Variants in MSI2 observed in about 807,000 individuals in gnomAD.
MSI2 encodes the protein RNA-binding protein Musashi homolog 2.
In MSI2, 17 loss-of-function variants were observed where a neutral mutation model predicts 45.6. The ratio of observed to expected loss-of-function variants is 0.37; its 90% CI spans 0.26 to 0.56. The LOEUF is 0.56. Ranked by LOEUF, MSI2 falls within the 20% of genes least tolerant of loss-of-function variation. MSI2 has a pLI of 0.77. For synonymous variants in MSI2, 156 were observed against 158.2 expected, an observed-to-expected ratio of 0.99 and a Z score of 0.11; for missense variants, 293 against 444.2, an observed-to-expected ratio of 0.66 and a Z score of 3.06.
At chr17:57,660,531 T>C (rs1038219040) in intron 11 of MSI2, among the ~76,000 whole-genome samples, 5 of 152,268 alleles carry the variant, frequency 3.3e-5, no homozygotes, top group Non-Finnish European at 4.4e-5. Flanking sequence ...CTCCACGCCA[T>C]TGAAGATCTC....
chr17:57,653,470 T>C (rs1911334570), intron 11 of MSI2, among the ~76,000 whole-genome samples: 1 of 152,090 alleles, frequency 6.6e-6, no homozygotes, highest in Non-Finnish European at 1.5e-5. Flanking sequence ...CTCTGGCCAG[T>C]GTCCCTCAGT....
At chr17:57,573,337 A>G (rs1344231575) in intron 7 of MSI2, among the ~76,000 whole-genome samples, 1 of 152,000 alleles carries the variant, frequency 6.6e-6, no homozygotes, top group Non-Finnish European at 1.5e-5. Context: ...GCTCTGTGCC[A>G]AGTGCCCTCC....
intron 7 of MSI2, among the ~76,000 whole-genome samples, chr17:57,574,925 G>A (rs1004268619): frequency 2.6e-5 from 4 of 151,034 alleles, no homozygotes; most frequent in African/African-American, 7.3e-5. Flanking sequence ...CCGCCTCCCG[G>A]GTTCACGCCA....
chr17:57,364,735 G>A (rs1302301984), intron 5 of MSI2, among the ~76,000 whole-genome samples: 1 of 152,070 alleles, frequency 6.6e-6, no homozygotes, highest in Non-Finnish European at 1.5e-5. Flanking sequence ...TGTTTAGTGG[G>A]AAAGACCTCC....
At chr17:57,693,637 TAA>T in the MSI2 span, among the ~76,000 whole-genome samples, 6 of 152,212 alleles carry the variant, frequency 3.9e-5, no homozygotes, top group African/African-American at 7.2e-5. Context: ...CTCTAGCCTT[TAA>T]TATATAGTAA....
chr17:57,333,440 C>CTTTTTT (rs1567762862), intron 5 of MSI2, among the ~76,000 whole-genome samples: 2 of 147,452 alleles, frequency 1.4e-5, no homozygotes, highest in African/African-American at 2.5e-5. Context: ...TGATTTGTAC[C>CTTTTTT]GTTTTTTTTT....
chr17:57,501,975 C>T (rs2086116317), intron 6 of MSI2, among the ~76,000 whole-genome samples: 1 of 152,152 alleles, frequency 6.6e-6, no homozygotes, highest in South Asian at 2.1e-4. Flanking sequence ...GAGCTCACCT[C>T]CAGGTTGCAT....
At chr17:57,583,811 G>T (rs762613081) in intron 7 of MSI2, among the ~76,000 whole-genome samples, 10 of 152,142 alleles carry the variant, frequency 6.6e-5, no homozygotes, top group Non-Finnish European at 1.2e-4. Context: ...TCACTTGGGA[G>T]ATTTTAAAAC....
chr17:57,625,202 T>G (rs1285412045), intron 9 of MSI2, among the ~76,000 whole-genome samples: 2 of 152,050 alleles, frequency 1.3e-5, no homozygotes, highest in Non-Finnish European at 2.9e-5. Flanking sequence ...AACACATACA[T>G]CAAATCATAA....
At chr17:57,376,531 C>A (rs1567788529) in intron 5 of MSI2, among the ~76,000 whole-genome samples, 1 of 152,182 alleles carries the variant, frequency 6.6e-6, no homozygotes, top group African/African-American at 2.4e-5. Context: ...TCTCATGACC[C>A]CGTGTTCTGG....
At chr17:57,634,330 G>C (rs938811404) in intron 10 of MSI2, among the ~76,000 whole-genome samples, 2 of 151,888 alleles carry the variant, frequency 1.3e-5, no homozygotes, top group South Asian at 4.2e-4. Flanking sequence ...GCCCGGAGTG[G>C]TGGCGGGTGC....
intron 5 of MSI2, among the ~76,000 whole-genome samples, chr17:57,390,238 G>A (rs2083763937): frequency 1.3e-5 from 2 of 152,238 alleles, no homozygotes; most frequent in Non-Finnish European, 2.9e-5. Context: ...CTGGGTGACA[G>A]AGCAAGACCC....
At chr17:57,678,210 G>A (rs890886023) in intron 13 of MSI2, among the ~76,000 whole-genome samples, 1 of 152,182 alleles carries the variant, frequency 6.6e-6, no homozygotes, top group African/African-American at 2.4e-5. Context: ...AAATCTCTTG[G>A]ATTTCTCTAA....
chr17:57,535,839 G>A (rs12602441), intron 7 of MSI2, among the ~76,000 whole-genome samples: 11,898 of 152,272 alleles, frequency 0.078, 529 homozygotes, highest in East Asian at 0.2. Flanking sequence ...AAAAGCAGCT[G>A]GCCAAAGTTT....
intron 6 of MSI2, among the ~76,000 whole-genome samples, chr17:57,461,655 C>T (rs1324518291): frequency 6.6e-6 from 1 of 152,018 alleles, no homozygotes; most frequent in Non-Finnish European, 1.5e-5. Flanking sequence ...CCTGCCTCAG[C>T]CTCCCGAGTA....
rs80238346 is a variant in MSI2, at chr17:57,495,009, T to G, written c.406-34667T>G. Among the ~76,000 whole-genome samples the G allele has an allele frequency of 5.9e-5, 9 of 151,714 alleles. No individual in the cohort carries two copies. In the East Asian group the frequency reaches 1.8e-3, roughly 30 times the overall value. The stretch of plus-strand genomic sequence containing the variant: ...ACAGTGGAACACAGGGTAAAGGAGA[T>G]TAGGAAGTACCTGGAGTGGGTTGCA... On this transcript the variant is annotated intron_variant, in intron 6 of 13. Transcript: ENST00000284073.
chr17:57,430,793 G>A (rs2084580132), intron 6 of MSI2, among the ~76,000 whole-genome samples: 1 of 152,190 alleles, frequency 6.6e-6, no homozygotes, highest in Non-Finnish European at 1.5e-5. Flanking sequence ...GTTGGCAGAG[G>A]TGGTGGGAGG....
chr17:57,511,965 C>T (rs886646910), intron 6 of MSI2, among the ~76,000 whole-genome samples: 1 of 152,188 alleles, frequency 6.6e-6, no homozygotes, highest in African/African-American at 2.4e-5. Context: ...ATTACCAGGT[C>T]CCTGGTGCCC....
chr17:57,402,583 G>A (rs1367066445), intron 6 of MSI2, among the ~76,000 whole-genome samples: 3 of 152,214 alleles, frequency 2.0e-5, no homozygotes, highest in Non-Finnish European at 2.9e-5. Context: ...GTTTGCCCAG[G>A]GTGATAGGCA....
Sources: gnomAD v4.1 joint callset for allele counts (sites outside exome capture counted in the v4.1 genomes callset) on GRCh38, gnomAD v4.1.1 for gene constraint, MANE v1.5 for transcripts, NCBI Gene and HGNC (gene_info 2026-07-23, HGNC 2026-07-21) for gene names.